SEMA5A: variants seen among roughly 807,000 people sequenced by gnomAD.
The protein encoded by SEMA5A is semaphorin-5A.
In SEMA5A, 55 loss-of-function variants were observed where a neutral mutation model predicts 135.5. The ratio of observed to expected loss-of-function variants is 0.41; its 90% CI spans 0.33 to 0.51. SEMA5A has a LOEUF of 0.51. SEMA5A is among the 20% of genes least tolerant of loss of function. The pLI is 0.37. For synonymous variants in SEMA5A, 580 were observed against 546.5 expected (o/e 1.06, Z -0.85); for missense variants, 1,290 against 1,419.9 (o/e 0.91, Z 1.47).
At chr5:9,311,293 C>T (rs1357666752) in intron 5 of SEMA5A, among the ~76,000 whole-genome samples, 1 of 151,844 alleles carries the variant, frequency 6.6e-6, no homozygotes, top group African/African-American at 2.4e-5. Flanking sequence ...GTGAAATTGT[C>T]GGAAGTTGAG....
At chr5:9,331,210 C>T (rs1753115712) in intron 4 of SEMA5A, among the ~76,000 whole-genome samples, 1 of 151,960 alleles carries the variant, frequency 6.6e-6, no homozygotes, top group South Asian at 2.1e-4. Flanking sequence ...GTAAAATTTT[C>T]AAGTAAAAAT....
intron 16 of SEMA5A, among the ~76,000 whole-genome samples, chr5:9,107,198 T>C (rs1739966221): frequency 6.6e-6 from 1 of 152,154 alleles, no homozygotes; most frequent in African/African-American, 2.4e-5. Context: ...ACTGTCTGTG[T>C]CCACTCTGTG....
chr5:9,470,429 A>G (rs1759434128), intron 1 of SEMA5A, among the ~76,000 whole-genome samples: 1 of 152,200 alleles, frequency 6.6e-6, no homozygotes, highest in Admixed American at 6.5e-5. Context: ...TAAAATAAAG[A>G]TCATTGAATT....
chr5:9,206,652 A>G (rs1033751642), intron 8 of SEMA5A, among the ~76,000 whole-genome samples: 1 of 152,040 alleles, frequency 6.6e-6, no homozygotes, highest in Non-Finnish European at 1.5e-5. Context: ...ATATTTGTAC[A>G]CAATGGGAAT....
At chr5:9,361,973 C>A (rs1754716750) in intron 3 of SEMA5A, among the ~76,000 whole-genome samples, 1 of 152,150 alleles carries the variant, frequency 6.6e-6, no homozygotes, top group South Asian at 2.1e-4. Flanking sequence ...GGTGTTAAGG[C>A]CCCTGCTGGC....
chr5:9,345,886 T>G (rs1462229375), intron 3 of SEMA5A, among the ~76,000 whole-genome samples: 1 of 152,200 alleles, frequency 6.6e-6, no homozygotes, highest in Non-Finnish European at 1.5e-5. Flanking sequence ...CACATGTATT[T>G]ATTTCTATAT....
chr5:9,161,131 AT>A (rs11365487), intron 11 of SEMA5A, among the ~76,000 whole-genome samples: 85,972 of 150,076 alleles, frequency 0.57, 27,155 homozygotes, highest in Middle Eastern at 0.73. Context: ...TTAGTGGGGA[AT>A]TTTTTTTTTT....
At chr5:9,448,689 A>G (rs1201245451) in intron 1 of SEMA5A, among the ~76,000 whole-genome samples, 3 of 152,158 alleles carry the variant, frequency 2.0e-5, no homozygotes, top group African/African-American at 7.2e-5. Flanking sequence ...TTTAGATTTT[A>G]TCTTATTGGC....
At chr5:9,061,005 G>A (rs1374550441) in intron 18 of SEMA5A, among the ~76,000 whole-genome samples, 2 of 151,644 alleles carry the variant, frequency 1.3e-5, no homozygotes, top group Middle Eastern at 3.4e-3. Flanking sequence ...TCACCAACTC[G>A]TTTCTGTCCC....
chr5:9,155,623 GA>G (rs989601555), intron 11 of SEMA5A, among the ~76,000 whole-genome samples: 16 of 152,276 alleles, frequency 1.1e-4, no homozygotes, highest in African/African-American at 3.9e-4. Flanking sequence ...AACCTTCCAT[GA>G]TCCCGAGTTT....
intron 3 of SEMA5A, among the ~76,000 whole-genome samples, chr5:9,346,286 C>T (rs188327135): frequency 6.6e-6 from 1 of 152,246 alleles, no homozygotes; most frequent in Admixed American, 6.5e-5. Context: ...CTGCCCCATC[C>T]CCTTTCCAGC....
At chr5:9,330,859 G>T (rs1753101646) in intron 4 of SEMA5A, among the ~76,000 whole-genome samples, 2 of 152,182 alleles carry the variant, frequency 1.3e-5, no homozygotes, top group South Asian at 4.1e-4. Context: ...GGTTCATAAA[G>T]ATTTGATTGG....
At chr5:9,077,730 G>A (rs996437539) in intron 16 of SEMA5A, among the ~76,000 whole-genome samples, 8 of 152,178 alleles carry the variant, frequency 5.3e-5, no homozygotes, top group Non-Finnish European at 1.2e-4. Context: ...TCACTGGCTC[G>A]AAGTGGGGAG....
At chr5:9,164,051 TATA>T (rs1390969173) in intron 11 of SEMA5A, among the ~76,000 whole-genome samples, 126 of 142,590 alleles carry the variant, frequency 8.8e-4, no homozygotes, top group African/African-American at 3.1e-3. Context: ...AATATATATT[TATA>T]ATATAAATAT....
chr5:9,122,672 T>A lies in SEMA5A; in HGVS notation c.1765A>T (p.Ile589Phe). ...GWQCEGPGME[I>F]ANCSRNGGWT... ...GCGGCACACCTGGAACAGTTGGCGA[T>A]CTCCATGCCAGGGCCCTCGCACTGC... Residue 589 changes from isoleucine (I) to phenylalanine (F), a missense_variant, in exon 14 of 23, where the codon ATC becomes TTC. Around this residue, in one of 3 missense-constraint regions of SEMA5A, gnomAD observed 1,029 missense variants for 1,086.6 expected, o/e 0.95. Transcript: ENST00000382496. 6.2e-7 allele frequency: 1 copy of A among 1,602,180 alleles called. No individual in the cohort carries two copies. Among genetic ancestry groups the A allele is most frequent in the South Asian group, 1.1e-5 (1 of 89,830 alleles).
At chr5:9,274,817 G>A (rs1159551470) in intron 5 of SEMA5A, among the ~76,000 whole-genome samples, 2 of 152,150 alleles carry the variant, frequency 1.3e-5, no homozygotes, top group Non-Finnish European at 2.9e-5. Flanking sequence ...GAATCTCTGG[G>A]ACACATTTAA....
chr5:9,523,682 A>G (rs2126876783), intron 1 of SEMA5A, among the ~76,000 whole-genome samples: 1 of 152,322 alleles, frequency 6.6e-6, no homozygotes, highest in South Asian at 2.1e-4. Flanking sequence ...CAGGCATACA[A>G]AAATCAGCAA....
intron 13 of SEMA5A, 94 bp downstream of exon 13, chr5:9,136,410 G>A: frequency 1.9e-6 from 2 of 1,045,074 alleles, no homozygotes; most frequent in Non-Finnish European, 2.9e-6. Context: ...CATATGAAAA[G>A]GTGCAGACAG....
At chr5:9,482,678 T>A (rs185293657) in intron 1 of SEMA5A, among the ~76,000 whole-genome samples, 69 of 152,262 alleles carry the variant, frequency 4.5e-4, no homozygotes, top group Non-Finnish European at 6.5e-4. Flanking sequence ...TATCACAATG[T>A]CACTGAACAC....
Sources: allele counts gnomAD v4.1 joint callset (sites outside exome capture counted in the v4.1 genomes callset), GRCh38; gene constraint gnomAD v4.1.1; regional missense constraint gnomAD v4.1.1; transcripts MANE v1.5; gene names NCBI Gene and HGNC (gene_info 2026-07-23, HGNC 2026-07-21).